The following LIPM variants were observed in gnomAD, a reference collection of about 807,000 sequenced individuals.
The protein encoded by LIPM is lipase family member M.
Under a neutral mutation model 42.4 loss-of-function variants are expected in LIPM, and 42 were observed. The observed-to-expected ratio is 0.99, with a 90% CI of 0.77 to 1.28. The LOEUF is 1.28. Among genes scored for constraint, LIPM ranks in the 50% most tolerant of loss-of-function variants. The probability of loss-of-function intolerance (pLI) is 0.00; values close to 1 mark genes in which losing one functional copy is unlikely to be tolerated. For synonymous variants in LIPM, 177 were observed against 173.3 expected (o/e 1.02, Z -0.17); for missense variants, 524 against 520.1 (o/e 1.01, Z -0.07).
At position 88,815,160 on chromosome 10, in the gene LIPM, C is replaced by A. The variant is rs752453856; in HGVS notation, c.647C>A (p.Ala216Asp). The A allele has an allele frequency of 1.9e-6, 3 of 1,551,866 alleles. No homozygotes were observed. Among genetic ancestry groups the A allele is most frequent in the Non-Finnish European group, 2.6e-6 (3 of 1,147,002 alleles). ...ATGTATTTTGCTTTAGCACCCATAGCCACTGTTAAGCATGCAAAAAGCCCC... is the reference window on the plus strand; with the variant it reads ...ATGTATTTTGCTTTAGCACCCATAGACACTGTTAAGCATGCAAAAAGCCCC... ...IKMYFALAPIATVKHAKSPGT... is the reference protein window; with the variant it reads ...IKMYFALAPIDTVKHAKSPGT... The change falls in exon 5 of 9, where the codon GCC (alanine) becomes GAC (aspartate). Residue 216 changes from alanine to aspartate, a missense_variant. Ala to Asp is a moderately radical substitution (Grantham distance 126). Coordinates refer to ENST00000404743, the MANE Select transcript of LIPM (RefSeq NM_001128215.1).
chr10:88,815,433 T>A lies in LIPM; in HGVS notation c.788T>A (p.Val263Glu), dbSNP rs1322941614. The change falls in exon 6 of 9, where the codon GTG becomes GAG. Residue 263 changes from valine (V) to glutamate (E), a missense_variant. Coordinates refer to ENST00000404743, the MANE Select transcript of LIPM (RefSeq NM_001128215.1). ...CTTGTTATTTACCTTTGTGGCCAGG[T>A]GATTCTTGATCAGATTTGTAGTAAT... Reference protein sequence around the residue: ...RQLVIYLCGQVILDQICSNIM... With the variant: ...RQLVIYLCGQEILDQICSNIM... 2 of 1,551,378 alleles carry A rather than the reference T, an allele frequency of 1.3e-6. No homozygotes were observed. The highest frequency in any genetic ancestry group is 4.9e-5 in the East Asian group (2 of 40,928).
chr10:88,807,495 A>C (rs1322730096), intron 1 of LIPM, among the ~76,000 whole-genome samples: 1 of 152,202 alleles, frequency 6.6e-6, no homozygotes, highest in Non-Finnish European at 1.5e-5. Context: ...GATGCTTAGA[A>C]GATATTTGCA....
chr10:88,804,335 A>C (rs1843561943), intron 1 of LIPM, among the ~76,000 whole-genome samples: 1 of 152,160 alleles, frequency 6.6e-6, no homozygotes. Context: ...GCACCTATAC[A>C]CTACTGGGGC....
Position 88,802,929 on chromosome 10 carries a change from C to A in LIPM, c.33C>A (p.Val11=), listed in dbSNP as rs1843545189. 6.4e-7 allele frequency: 1 copy of A among 1,550,812 alleles called. No individual in the cohort carries two copies. The highest frequency in any genetic ancestry group is 1.4e-5 in the African/African-American group (1 of 72,970). ...AAACCTTGTCAAGACAGTGGATTGTCTCACACAGAATGGAAATGTGGCTTC... is the reference window on the plus strand; with the variant it reads ...AAACCTTGTCAAGACAGTGGATTGTATCACACAGAATGGAAATGTGGCTTC... MLETLSRQWI[V]SHRMEMWLLI... Residue 11 remains valine (V), a synonymous_variant, in exon 1 of 9, where the codon GTC becomes GTA. Coordinates refer to ENST00000404743, the MANE Select transcript of LIPM (RefSeq NM_001128215.1).
rs1843676000 is a variant in LIPM, at chr10:88,813,262, TC to T, written c.432del (p.Ser145ProfsTer2). The T allele has an allele frequency of 6.2e-7, 1 of 1,611,048 alleles. No individual in the cohort carries two copies. The highest frequency in any genetic ancestry group is 8.5e-7 in the Non-Finnish European group (1 of 1,178,398). On this transcript the variant is annotated frameshift_variant, in exon 3 of 9. Transcript: ENST00000404743. LOFTEE classifies it high-confidence loss of function. ...GCCTGGTCTCGAAAACACAAGACAC[TC>T]TCCATAGACCAAGATGAGTTCTGGG... ...GNAWSRKHKTLSIDQDEFWAF... is the reference protein window; with the variant it reads ...GNAWSRKHKTXSIDQDEFWAF...
chr10:88,810,086 C>T lies in LIPM; in HGVS notation c.265+1671C>T, dbSNP rs891859966. Among the ~76,000 whole-genome samples, 6 of 152,340 alleles carry T rather than the reference C, an allele frequency of 3.9e-5. No homozygotes were observed. In the East Asian group the frequency reaches 1.2e-3, roughly 29 times the overall value. On this transcript the variant is annotated intron_variant, in intron 2 of 8. Coordinates refer to ENST00000404743, the MANE Select transcript of LIPM (RefSeq NM_001128215.1). ...TGTTTGTCTATTGTCTGTCTCCCCC[C>T]AGTCAGAGTGTAAACTCAGTGAGAG...
Position 88,813,918 on chromosome 10 carries a change from G to C in LIPM, c.465-612G>C, listed in dbSNP as rs536657152. Among the ~76,000 whole-genome samples, 160 of 152,240 alleles carry C rather than the reference G, an allele frequency of 1.1e-3. 1 individual carries two copies. The highest frequency in any genetic ancestry group is 3.9e-3 in the African/African-American group (160 of 41,536). The stretch of plus-strand genomic sequence containing the variant: ...ATGAGAACTCACTATCACGAGAACA[G>C]CACAGGGGAAACCACTCCCATGATT... On this transcript the variant is annotated intron_variant, in intron 3 of 8. Transcript: ENST00000404743.
Position 88,820,407 on chromosome 10 carries a change from T to A in LIPM, c.1178T>A (p.Leu393Ter). Residue 393 changes from leucine to a stop codon, truncating the protein, a stop_gained, in exon 9 of 9, where the codon TTG becomes TAG. Coordinates refer to ENST00000404743, the MANE Select transcript of LIPM (RefSeq NM_001128215.1). LOFTEE classifies it low-confidence loss of function (END_TRUNC). ...GCTCACGTGGATTTCATCTGGGGTT[T>A]GGATGCTCCTCACCGTATGTACAAT... ...EWAHVDFIWG[L>*]DAPHRMYNEI... 6.4e-7 allele frequency: 1 copy of A among 1,552,184 alleles called. No individual in the cohort carries two copies. Among genetic ancestry groups the A allele is most frequent in the Non-Finnish European group, 8.7e-7 (1 of 1,147,034 alleles).
intron 1 of LIPM, among the ~76,000 whole-genome samples, chr10:88,804,043 G>T (rs796069903): frequency 6.6e-6 from 1 of 152,144 alleles, no homozygotes; most frequent in Non-Finnish European, 1.5e-5. Flanking sequence ...TATTTATACC[G>T]ATTTAAGACC....
At chr10:88,810,846 C>G (rs551297581) in intron 2 of LIPM, among the ~76,000 whole-genome samples, 23 of 152,260 alleles carry the variant, frequency 1.5e-4, no homozygotes, top group African/African-American at 5.1e-4. Context: ...TGACCTTAAC[C>G]ATGGGAAATG....
chr10:88,816,763 A>G (rs2133061606), intron 6 of LIPM, 53 bp from the exon 7 acceptor site: 1 of 1,195,514 alleles, frequency 8.4e-7, no homozygotes. Flanking sequence ...TTGACAGGGT[A>G]TACATCTTGT....
At chr10:88,807,126 G>T (rs1589312150) in intron 1 of LIPM, among the ~76,000 whole-genome samples, 1 of 152,190 alleles carries the variant, frequency 6.6e-6, no homozygotes, top group South Asian at 2.1e-4. Flanking sequence ...CCTACTATGT[G>T]CTGGGAATTA....
intron 1 of LIPM, among the ~76,000 whole-genome samples, chr10:88,806,582 T>C (rs1303943300): frequency 6.6e-6 from 1 of 152,194 alleles, no homozygotes. Context: ...TTTTTTGGGT[T>C]CCACACAGAC....
At chr10:88,818,188 T>C (rs577532301) in intron 8 of LIPM, among the ~76,000 whole-genome samples, 1 of 151,054 alleles carries the variant, frequency 6.6e-6, no homozygotes, top group African/African-American at 2.4e-5. Flanking sequence ...AAGAGTGTAG[T>C]CTATGGTGGA....
intron 2 of LIPM, among the ~76,000 whole-genome samples, chr10:88,811,913 GA>G: frequency 8.0e-6 from 1 of 124,414 alleles, no homozygotes; most frequent in Middle Eastern, 3.7e-3. Flanking sequence ...AACAAACATT[GA>G]TTGACATTAG....
intron 6 of LIPM, among the ~76,000 whole-genome samples, chr10:88,815,723 A>T (rs187818185): frequency 1.5e-4 from 23 of 152,390 alleles, no homozygotes; most frequent in Admixed American, 1.1e-3. Context: ...CACAGATTAT[A>T]GATGGAAGAG....
chr10:88,810,958 C>A (rs1466523973), intron 2 of LIPM, among the ~76,000 whole-genome samples: 1 of 152,146 alleles, frequency 6.6e-6, no homozygotes, highest in Non-Finnish European at 1.5e-5. Context: ...ACTAAATGAC[C>A]AGATTAGATT....
rs769236749 is a variant in LIPM at position 88,813,306 on chromosome 10, A to G, written c.464+11A>G. 5.1e-6 allele frequency: 8 copies of G among 1,562,908 alleles called. No homozygotes were observed. The East Asian group carries it at 1.4e-4, about 27-fold the overall frequency. ...GTTCTGGGCTTTCAGGTATATGATA[A>G]TCTCGAGAACAGAGGTAGACATGTC... On this transcript the variant is annotated intron_variant, in intron 3 of 8. Transcript: ENST00000404743.
chr10:88,815,463 T>A lies in LIPM; in HGVS notation c.818T>A (p.Met273Lys). The part of the protein sequence containing the change: ...VILDQICSNI[M>K]LLLGGFNTNN... The stretch of plus-strand genomic sequence containing the variant: ...CTTGATCAGATTTGTAGTAATATCA[T>A]GTTACTTCTGGGTGGATTCAACACC... Residue 273 changes from methionine (M) to lysine (K), a missense_variant, in exon 6 of 9, where the codon ATG becomes AAG. Transcript: ENST00000404743. The A allele has an allele frequency of 1.3e-6, 2 of 1,551,596 alleles. No homozygotes were observed. The highest frequency in any genetic ancestry group is 1.7e-6 in the Non-Finnish European group (2 of 1,146,896).
Sources: allele counts gnomAD v4.1 joint callset (sites outside exome capture counted in the v4.1 genomes callset), GRCh38; gene constraint gnomAD v4.1.1; transcripts MANE v1.5; gene names NCBI Gene and HGNC (gene_info 2026-07-23, HGNC 2026-07-21).